The following LMTK2 variants were observed in gnomAD, a reference collection of about 807,000 sequenced individuals.
LMTK2 encodes lemur tail kinase 2, also known as serine/threonine-protein kinase LMTK2.
Under a neutral mutation model 127.5 loss-of-function variants are expected in LMTK2, and 37 were observed. The ratio of observed to expected loss-of-function variants is 0.29; its 90% CI spans 0.22 to 0.38. LMTK2 has a LOEUF of 0.38. Ranked by LOEUF, LMTK2 falls within the 10% of genes least tolerant of loss-of-function variation. The probability of loss-of-function intolerance (pLI) is 1.00; values close to 1 mark genes in which losing one functional copy is unlikely to be tolerated. For synonymous variants in LMTK2, 819 were observed against 810.1 expected (o/e 1.01, Z -0.19); for missense variants, 1,694 against 1,920.3 (o/e 0.88, Z 2.20).
At chr7:98,121,387 G>T (rs1796358645) in intron 1 of LMTK2, among the ~76,000 whole-genome samples, 1 of 152,060 alleles carries the variant, frequency 6.6e-6, no homozygotes, top group Non-Finnish European at 1.5e-5. Context: ...CCAGCACTTT[G>T]GGAGGCCAAG....
At chr7:98,135,657 A>G (rs1411377638) in intron 1 of LMTK2, among the ~76,000 whole-genome samples, 3 of 152,158 alleles carry the variant, frequency 2.0e-5, no homozygotes, top group Non-Finnish European at 4.4e-5. Context: ...ATTTCTCAGT[A>G]AAACTCCAGT....
Position 98,206,841 on chromosome 7 carries a change from A to G in LMTK2, c.*1349A>G, listed in dbSNP as rs1797809064. On this transcript the variant is annotated 3_prime_UTR_variant, in exon 14 of 14. Coordinates refer to ENST00000297293, the MANE Select transcript of LMTK2 (RefSeq NM_014916.4). Reference sequence around the variant, plus strand: ...ATCCTGCAGCTGTGAAGGGGGATGGACAAGGGACGACGGCCGACGGCAGAG... The same window carrying G: ...ATCCTGCAGCTGTGAAGGGGGATGGGCAAGGGACGACGGCCGACGGCAGAG... 1 of 152,286 alleles carries G rather than the reference A, an allele frequency of 6.6e-6. No homozygotes were observed. Among genetic ancestry groups the G allele is most frequent in the Non-Finnish European group, 1.5e-5 (1 of 68,124 alleles). 9.4% of individuals were successfully genotyped at this position (152,286 alleles called of 1,614,324 possible). A position where few individuals can be genotyped will look rare whatever the true frequency, so the allele number is the denominator to read the frequency against.
At chr7:98,204,982 G>C (rs1361043276) in intron 13 of LMTK2, among the ~76,000 whole-genome samples, 1 of 152,204 alleles carries the variant, frequency 6.6e-6, no homozygotes, top group East Asian at 1.9e-4. Context: ...TCCCGAGGGC[G>C]GGGTGGGGTG....
chr7:98,173,338 C>G (rs1482098049), intron 7 of LMTK2, among the ~76,000 whole-genome samples: 4 of 151,470 alleles, frequency 2.6e-5, no homozygotes, highest in Admixed American at 6.6e-5. Flanking sequence ...AAAAAGTTAC[C>G]AGTTTCTTAA....
chr7:98,122,104 G>T (rs1462265082), intron 1 of LMTK2, among the ~76,000 whole-genome samples: 1 of 152,214 alleles, frequency 6.6e-6, no homozygotes, highest in Non-Finnish European at 1.5e-5. Flanking sequence ...TGACTTTTAA[G>T]AAGTGTAATC....
rs186257068 is a variant in LMTK2, at chr7:98,170,434, T to G, written c.658-1107T>G. Among the ~76,000 whole-genome samples the G allele has an allele frequency of 1.1e-4, 17 of 152,264 alleles. No homozygotes were observed. The East Asian group carries it at 3.1e-3, about 28-fold the overall frequency. On this transcript the variant is annotated intron_variant, in intron 6 of 13. Coordinates refer to ENST00000297293, the MANE Select transcript of LMTK2 (RefSeq NM_014916.4). ...TGTAAAGGAATACTGTGTTTTAAGG[T>G]TTTATTCTGGGAGGTATTTGATAAA...
chr7:98,143,845 G>A (rs1356617969), intron 3 of LMTK2, among the ~76,000 whole-genome samples: 1 of 152,190 alleles, frequency 6.6e-6, no homozygotes, highest in Admixed American at 6.5e-5. Flanking sequence ...ATTTATTGCA[G>A]CGTTGTTTGG....
In LMTK2 at chr7:98,194,254, G is replaced by A; in HGVS notation, c.3789G>A (p.Gly1263=). 1 of 1,614,174 alleles carries A rather than the reference G, an allele frequency of 6.2e-7. No homozygotes were observed. Among genetic ancestry groups the A allele is most frequent in the Middle Eastern group, 1.6e-4 (1 of 6,062 alleles). The change falls in exon 11 of 14, where the codon GGG becomes GGA. Residue 1263 remains glycine, a synonymous_variant. Coordinates refer to ENST00000297293, the MANE Select transcript of LMTK2 (RefSeq NM_014916.4). This position sits in a 1 kb window ranked among gnomAD's most constrained non-coding sequence, Gnocchi z 5.4. ...GPKLKEPDIE[G]KYLGKLGVSG... ...AGTTGAAGGAGCCGGACATCGAAGGGAAGTACCTGGGGAAACTCGGGGTGT... is the reference window on the plus strand; with the variant it reads ...AGTTGAAGGAGCCGGACATCGAAGGAAAGTACCTGGGGAAACTCGGGGTGT...
Position 98,205,444 on chromosome 7 carries a change from G to T in LMTK2, c.4484-20G>T. The T allele has an allele frequency of 2.5e-6, 4 of 1,613,634 alleles. No homozygotes were observed. The highest frequency in any genetic ancestry group is 3.4e-6 in the Non-Finnish European group (4 of 1,180,002). ...TTTAAAAACCCAGCTTTGTCGTCTC[G>T]CTTCCTCTCTCCTCAACAGGAAGCA... On this transcript the variant is annotated intron_variant, in intron 13 of 13. Transcript: ENST00000297293.
At chr7:98,129,119 CTGT>C (rs1796484916) in intron 1 of LMTK2, among the ~76,000 whole-genome samples, 1 of 151,868 alleles carries the variant, frequency 6.6e-6, no homozygotes, top group African/African-American at 2.4e-5. Context: ...GTCACCCAGG[CTGT>C]CACCCAGGCT....
chr7:98,182,798 A>G (rs574091292), intron 7 of LMTK2, among the ~76,000 whole-genome samples: 17 of 152,384 alleles, frequency 1.1e-4, no homozygotes, highest in Non-Finnish European at 2.4e-4. Flanking sequence ...TGTTCATACC[A>G]GCATCATTCA....
chr7:98,134,367 G>C (rs534437135), intron 1 of LMTK2, among the ~76,000 whole-genome samples: 1 of 152,346 alleles, frequency 6.6e-6, no homozygotes, highest in East Asian at 1.9e-4. Context: ...TGGACAAACT[G>C]TGTGTTATTT....
Position 98,137,345 on chromosome 7 carries a change from C to T in LMTK2, c.134C>T (p.Ser45Leu), listed in dbSNP as rs778887237. The change falls in exon 2 of 14, where the codon TCA becomes TTA. Residue 45 changes from serine to leucine, a missense_variant. By Grantham distance (145) the Ser-to-Leu change is moderately radical. Coordinates refer to ENST00000297293, the MANE Select transcript of LMTK2 (RefSeq NM_014916.4). ...GCGCCACCTGCTGCAGAAGTTTCCT[C>T]ATCTTTTGTGATCCTGTGTGTGTGC... Reference protein sequence around the residue: ...GEAPPAAEVSSSFVILCVCSL... With the variant: ...GEAPPAAEVSLSFVILCVCSL... 1.2e-6 allele frequency: 2 copies of T among 1,613,190 alleles called. No homozygotes were observed. Among genetic ancestry groups the T allele is most frequent in the Non-Finnish European group, 1.7e-6 (2 of 1,179,720 alleles).
chr7:98,202,408 C>T (rs908662811), intron 11 of LMTK2, among the ~76,000 whole-genome samples: 6 of 152,118 alleles, frequency 3.9e-5, no homozygotes, highest in South Asian at 2.1e-4. Context: ...ATCTGTGGTA[C>T]GGTGACACTG....
At position 98,128,189 on chromosome 7, in the gene LMTK2, T is replaced by C. The variant is rs76730860; in HGVS notation, c.104-9126T>C. Among the ~76,000 whole-genome samples the C allele has an allele frequency of 9.2e-5, 14 of 152,206 alleles. No individual in the cohort carries two copies. The East Asian group carries it at 2.7e-3, about 29-fold the overall frequency. On this transcript the variant is annotated intron_variant, in intron 1 of 13. Transcript: ENST00000297293. ...TAAATAATTAAAAAGGTGAAAAGATTAGTAAATTGACACAGTGCTAGGGGC... is the reference window on the plus strand; with the variant it reads ...TAAATAATTAAAAAGGTGAAAAGATCAGTAAATTGACACAGTGCTAGGGGC...
rs539618085 is a variant in LMTK2, at chr7:98,205,682, C to G, written c.*190C>G. ...GGCCCTCGGGAGCCCAGGTGCAGAG[C>G]GAGGCCGTGTCCAGGAGCCGGCGTC... On this transcript the variant is annotated 3_prime_UTR_variant, in exon 14 of 14. Coordinates refer to ENST00000297293, the MANE Select transcript of LMTK2 (RefSeq NM_014916.4). The G allele has an allele frequency of 9.3e-6, 6 of 644,398 alleles. No individual in the cohort carries two copies. Among genetic ancestry groups the G allele is most frequent in the Non-Finnish European group, 1.6e-5 (6 of 373,054 alleles). The allele number at this position is 644,398 out of a possible 1,614,324, so 39.9% of individuals were successfully genotyped here. A position where few individuals can be genotyped will look rare whatever the true frequency, so the allele number is the denominator to read the frequency against.
intron 5 of LMTK2, among the ~76,000 whole-genome samples, chr7:98,157,836 G>A (rs1796952292): frequency 1.3e-5 from 2 of 152,182 alleles, no homozygotes; most frequent in South Asian, 4.1e-4. Context: ...ACATGGGTGG[G>A]GCGGGAAGAT....
intron 7 of LMTK2, among the ~76,000 whole-genome samples, chr7:98,172,556 C>T (rs993426249): frequency 3.9e-5 from 6 of 152,138 alleles, no homozygotes; most frequent in East Asian, 1.9e-4. Context: ...TGCTTATTCT[C>T]CTCTAGGCTT....
intron 1 of LMTK2, among the ~76,000 whole-genome samples, chr7:98,118,287 T>G (rs184473971): frequency 1.1e-4 from 16 of 152,350 alleles, no homozygotes; most frequent in Admixed American, 9.8e-4. Context: ...AAAAATAGAT[T>G]CGATTTACCT....
Sources: allele counts gnomAD v4.1 joint callset (sites outside exome capture counted in the v4.1 genomes callset), GRCh38; gene constraint gnomAD v4.1.1; non-coding constraint Gnocchi (gnomAD v3.1); transcripts MANE v1.5; gene names NCBI Gene and HGNC (gene_info 2026-07-23, HGNC 2026-07-21).